Variants in SMC1A observed in about 807,000 individuals in gnomAD.
SMC1A encodes the protein structural maintenance of chromosomes protein 1A.
Under a neutral mutation model 94.5 loss-of-function variants are expected in SMC1A, and 4 were observed. The ratio of observed to expected loss-of-function variants is 0.04; its 90% confidence interval spans 0.02 to 0.10. SMC1A has a LOEUF of 0.10. Among genes scored for constraint, SMC1A ranks in the 10% least tolerant of loss-of-function variants. The pLI is 1.00. For missense variants in SMC1A, 304 were observed against 989.0 expected (o/e 0.31, Z 9.29); for synonymous variants, 345 against 347.7 (o/e 0.99, Z 0.09).
chrX:53,377,042 T>C lies in SMC1A; in HGVS notation c.*3061A>G, dbSNP rs1196540911. 1 of 112,149 alleles carries C rather than the reference T, an allele frequency of 8.9e-6. No individual in the cohort carries two copies. The highest frequency in any genetic ancestry group is 3.2e-5 in the African/African-American group (1 of 30,863). The allele number at this position is 112,149 out of a possible 1,213,427, so 9.2% of individuals were successfully genotyped here. On this transcript the variant is annotated 3_prime_UTR_variant, in exon 25 of 25. Transcript: ENST00000322213. ...CCTAGGGAATCTACTCGGATCCAGCTTGCTCTTGGAAACACTGTGGTGCCC... is the reference window on the plus strand; with the variant it reads ...CCTAGGGAATCTACTCGGATCCAGCCTGCTCTTGGAAACACTGTGGTGCCC...
intron 16 of SMC1A, among the ~76,000 whole-genome samples, chrX:53,398,607 G>GTA (rs1310252607): frequency 1.8e-5 from 2 of 111,069 alleles, no homozygotes; most frequent in Non-Finnish European, 3.8e-5. Flanking sequence ...AGTGTTCTAA[G>GTA]TATATATATT....
chrX:53,408,930 T>C (rs1886291737), intron 9 of SMC1A, 132 bp downstream of exon 9: 1 of 595,985 alleles, frequency 1.7e-6, no homozygotes, highest in East Asian at 3.6e-5. Flanking sequence ...GGTGCTTTTT[T>C]AAACCTCTCC....
intron 15 of SMC1A, among the ~76,000 whole-genome samples, chrX:53,401,287 C>G (rs1198106638): frequency 8.9e-6 from 1 of 111,833 alleles, no homozygotes; most frequent in Non-Finnish European, 1.9e-5. Flanking sequence ...ACTGCCTGGG[C>G]AAGACCCTTC....
chrX:53,392,948 T>G lies in SMC1A; in HGVS notation c.2973+1830A>C, dbSNP rs1224906266. 2.3e-4 allele frequency among the ~76,000 whole-genome samples: 26 copies of G among 112,224 alleles called. 1 individual carries two copies. The Admixed American group carries it at 2.5e-3, about 11-fold the overall frequency. The stretch of plus-strand genomic sequence containing the variant: ...CCTCCTAAATAGTTTATGATGTGTT[T>G]CAATCATCATATTCAGGAGGATTGG... On this transcript the variant is annotated intron_variant, in intron 19 of 24. Coordinates refer to ENST00000322213, the MANE Select transcript of SMC1A (RefSeq NM_006306.4).
intron 19 of SMC1A, among the ~76,000 whole-genome samples, chrX:53,391,274 C>G (rs1027974667): frequency 1.5e-4 from 16 of 110,259 alleles, no homozygotes; most frequent in Non-Finnish European, 2.8e-4. Flanking sequence ...TGAGATCATG[C>G]CCCTGAACTC....
At chrX:53,422,704 A>C (rs1438019511), upstream of SMC1A, 3 of 556,286 alleles carry the variant, frequency 5.4e-6, no homozygotes, top group Non-Finnish European at 9.5e-6. Context: ...CGACCGGCAA[A>C]TGTCGCGAGA....
chrX:53,389,851 T>C (rs1399142300), intron 19 of SMC1A, among the ~76,000 whole-genome samples: 30 of 88,697 alleles, frequency 3.4e-4, no homozygotes, highest in African/African-American at 1.0e-3. Context: ...TCTTTTTTTT[T>C]TTTTTTTTTT....
intron 15 of SMC1A, among the ~76,000 whole-genome samples, chrX:53,401,691 G>C (rs1001936226): frequency 1.8e-5 from 2 of 110,064 alleles, no homozygotes. Flanking sequence ...CTCTCTCAGG[G>C]ATATATACCC....
rs371618317 is a variant in SMC1A, at chrX:53,380,070, G to C, written c.*33C>G. On this transcript the variant is annotated 3_prime_UTR_variant, in exon 25 of 25. Coordinates refer to ENST00000322213, the MANE Select transcript of SMC1A (RefSeq NM_006306.4). ...AGAGATTGGGAGAGGGACAGCTTAGGGATCCAGACAGGGCGGGAGGGCAAA... is the reference window on the plus strand; with the variant it reads ...AGAGATTGGGAGAGGGACAGCTTAGCGATCCAGACAGGGCGGGAGGGCAAA... 5.0e-6 allele frequency: 5 copies of C among 1,008,961 alleles called. No homozygotes were observed. The highest frequency in any genetic ancestry group is 7.0e-6 in the Non-Finnish European group (5 of 713,700). The allele number at this position is 1,008,961 out of a possible 1,213,427, so 83.1% of individuals were successfully genotyped here.
At chrX:53,389,136 G>A (rs1229198316) in intron 19 of SMC1A, among the ~76,000 whole-genome samples, 5 of 101,785 alleles carry the variant, frequency 4.9e-5, no homozygotes, top group Non-Finnish European at 7.9e-5. Context: ...TTTTTTGGTC[G>A]GGGGGGTGAA....
chrX:53,398,276 T>C (rs1194648135), intron 16 of SMC1A, among the ~76,000 whole-genome samples: 6 of 106,562 alleles, frequency 5.6e-5, no homozygotes, highest in African/African-American at 2.0e-4. Flanking sequence ...GCGACAAACA[T>C]AGGCAGACAT....
At chrX:53,419,255 G>T (rs1322121343) in intron 1 of SMC1A, among the ~76,000 whole-genome samples, 1 of 109,538 alleles carries the variant, frequency 9.1e-6, no homozygotes, top group Non-Finnish European at 1.9e-5. Flanking sequence ...GGTTGGACAC[G>T]GCATCTCACG....
At chrX:53,382,155 G>A in intron 22 of SMC1A, 77 bp downstream of exon 22, 1 of 1,090,178 alleles carries the variant, frequency 9.2e-7, no homozygotes, top group Middle Eastern at 3.4e-4. Flanking sequence ...GCAGATCTCT[G>A]TGTATCCTTG....
At chrX:53,391,458 TAAAAA>T (rs782035311) in intron 19 of SMC1A, among the ~76,000 whole-genome samples, 1 of 89,615 alleles carries the variant, frequency 1.1e-5, no homozygotes, top group African/African-American at 4.1e-5. Flanking sequence ...GTCTCCACGT[TAAAAA>T]AAAAAAAAAA....
intron 19 of SMC1A, among the ~76,000 whole-genome samples, chrX:53,387,829 G>A (rs1224181615): frequency 2.7e-5 from 3 of 111,532 alleles, no homozygotes; most frequent in African/African-American, 6.5e-5. Flanking sequence ...AACCACAACA[G>A]ACTGAAAGAC....
At chrX:53,387,211 GGTCTCCA>G (rs2075608027) in intron 19 of SMC1A, among the ~76,000 whole-genome samples, 1 of 111,569 alleles carries the variant, frequency 9.0e-6, no homozygotes, top group Non-Finnish European at 1.9e-5. Context: ...TAGCCAGGAT[GGTCTCCA>G]TCTCCTGACC....
At chrX:53,401,750 AT>A (rs1218937310) in intron 15 of SMC1A, among the ~76,000 whole-genome samples, 1 of 110,155 alleles carries the variant, frequency 9.1e-6, no homozygotes, top group African/African-American at 3.3e-5. Context: ...ATACACATAT[AT>A]TTTTTTCACA....
At chrX:53,422,073 G>A (rs1181204632) in intron 1 of SMC1A, 2 of 1,186,547 alleles carry the variant, frequency 1.7e-6, no homozygotes, top group Non-Finnish European at 2.3e-6. Context: ...GGGACCGAAG[G>A]CCACGGGAGA....
intron 7 of SMC1A, among the ~76,000 whole-genome samples, chrX:53,411,187 GA>G (rs782247403): frequency 3.6e-5 from 4 of 110,857 alleles, no homozygotes; most frequent in African/African-American, 1.3e-4. Flanking sequence ...ATTCCATAAA[GA>G]TAATAATAAA....
Sources: allele counts gnomAD v4.1 joint callset (sites outside exome capture counted in the v4.1 genomes callset), GRCh38; gene constraint gnomAD v4.1.1; transcripts MANE v1.5; gene names NCBI Gene and HGNC (gene_info 2026-07-23, HGNC 2026-07-21).